TRMT11: variants seen among roughly 807,000 people sequenced by gnomAD.
TRMT11 encodes tRNA methyltransferase 11.
Under a neutral mutation model 62.8 loss-of-function variants are expected in TRMT11, and 53 were observed. The observed-to-expected ratio is 0.84, with a 90% CI of 0.68 to 1.06. The LOEUF (loss-of-function observed/expected upper bound fraction) is 1.06, where lower values mean the gene tolerates loss of function less well. TRMT11 is among the 50% of genes least tolerant of loss of function. The pLI is 0.00. For missense variants in TRMT11, 556 were observed against 553.4 expected (o/e 1.00, Z -0.05); for synonymous variants, 188 against 190.3 (o/e 0.99, Z 0.10).
At chr6:125,992,798 C>T (rs1790836617) in intron 1 of TRMT11, among the ~76,000 whole-genome samples, 2 of 152,222 alleles carry the variant, frequency 1.3e-5, no homozygotes, top group Non-Finnish European at 2.9e-5. Context: ...GCTGCCTTCA[C>T]TGATTTATCA....
At chr6:126,029,965 C>T (rs1317368427) in intron 12 of TRMT11, among the ~76,000 whole-genome samples, 1 of 151,888 alleles carries the variant, frequency 6.6e-6, no homozygotes, top group East Asian at 1.9e-4. Context: ...TTTGAGCACT[C>T]TAGATATGAA....
chr6:126,002,192 T>C (rs1180247306), intron 7 of TRMT11, among the ~76,000 whole-genome samples: 1 of 152,200 alleles, frequency 6.6e-6, no homozygotes, highest in Non-Finnish European at 1.5e-5. Flanking sequence ...TATATGCATA[T>C]ATACACAATA....
At chr6:126,172,612 T>C (rs190382850), upstream of TRMT11, among the ~76,000 whole-genome samples, 21 of 152,336 alleles carry the variant, frequency 1.4e-4, 1 homozygote, top group Non-Finnish European at 1.5e-5. Flanking sequence ...TTCTGTCTTA[T>C]TGAAACACTT....
At chr6:126,031,951 G>A (rs1172221266) in intron 12 of TRMT11, among the ~76,000 whole-genome samples, 1 of 152,136 alleles carries the variant, frequency 6.6e-6, no homozygotes, top group Non-Finnish European at 1.5e-5. Context: ...AATAGAGATT[G>A]TAGGGGACTT....
the TRMT11 span, among the ~76,000 whole-genome samples, chr6:126,237,095 G>A: frequency 6.6e-6 from 1 of 150,924 alleles, no homozygotes; most frequent in Admixed American, 6.6e-5. Context: ...GAGAGAGAGA[G>A]ACTGATTATT....
chr6:126,080,715 G>A (rs995059811), intron 17 of TRMT11, among the ~76,000 whole-genome samples: 3 of 152,054 alleles, frequency 2.0e-5, no homozygotes, highest in African/African-American at 4.8e-5. Flanking sequence ...AACTACTCAC[G>A]GTAGCCCACT....
intron 17 of TRMT11, among the ~76,000 whole-genome samples, chr6:126,063,438 A>G (rs541510580): frequency 6.6e-6 from 1 of 152,358 alleles, no homozygotes; most frequent in South Asian, 2.1e-4. Context: ...ATTCAATGGA[A>G]CTTAAATTAA....
chr6:125,986,567 C>T lies in TRMT11; in HGVS notation c.17C>T (p.Thr6Ile). The T allele has an allele frequency of 6.3e-7, 1 of 1,591,946 alleles. No homozygotes were observed. The highest frequency in any genetic ancestry group is 8.5e-7 in the Non-Finnish European group (1 of 1,171,456). Residue 6 changes from threonine (T) to isoleucine (I), a missense_variant, in exon 1 of 13, where the codon ACC becomes ATC. By Grantham distance (89) the Thr-to-Ile change is moderately conservative. Coordinates refer to ENST00000334379, the MANE Select transcript of TRMT11 (RefSeq NM_001031712.3). MALSC[T>I]LNRYLLLMAQ... ...GCAGCTGCAATGGCGCTGTCGTGTA[C>T]CCTTAACAGGTATCTGCTCCTCATG... is the stretch of plus-strand genomic sequence containing the variant.
At chr6:126,246,757 T>C in the TRMT11 span, among the ~76,000 whole-genome samples, 8 of 152,094 alleles carry the variant, frequency 5.3e-5, no homozygotes, top group Non-Finnish European at 1.0e-4. Context: ...GGTGACAGAT[T>C]GAAAATACAT....
Position 125,998,693 on chromosome 6 carries a change from G to C in TRMT11, c.522+9G>C. 6.2e-7 allele frequency: 1 copy of C among 1,608,808 alleles called. No individual in the cohort carries two copies. The highest frequency in any genetic ancestry group is 8.5e-7 in the Non-Finnish European group (1 of 1,178,460). The stretch of plus-strand genomic sequence containing the variant: ...TTTATTTTGGTAGATGGGTGAGCAA[G>C]TTTTCTTTCTACCTATGTCAGTTTG... On this transcript the variant is annotated intron_variant, in intron 6 of 12. Transcript: ENST00000334379.
the TRMT11 span, among the ~76,000 whole-genome samples, chr6:126,229,049 C>A: frequency 1.3e-5 from 2 of 152,108 alleles, no homozygotes; most frequent in African/African-American, 4.8e-5. Context: ...AAATTAGATA[C>A]TCATGTTTTA....
At chr6:126,144,777 C>G (rs1777956043) in intron 21 of TRMT11, among the ~76,000 whole-genome samples, 1 of 152,122 alleles carries the variant, frequency 6.6e-6, no homozygotes, top group African/African-American at 2.4e-5. Context: ...TTTGATGAAT[C>G]AAGCTATGCA....
At chr6:126,173,523 A>G (rs1348274043), upstream of TRMT11, among the ~76,000 whole-genome samples, 1 of 152,194 alleles carries the variant, frequency 6.6e-6, no homozygotes, top group African/African-American at 2.4e-5. Context: ...AAAAGACTGC[A>G]AGGCAGTCGG....
the TRMT11 span, among the ~76,000 whole-genome samples, chr6:126,209,470 C>T: frequency 6.6e-6 from 1 of 151,980 alleles, no homozygotes; most frequent in East Asian, 1.9e-4. Flanking sequence ...CCTGTAATCC[C>T]AGCATTTTGG....
intron 21 of TRMT11, among the ~76,000 whole-genome samples, chr6:126,169,695 C>T (rs1243201414): frequency 6.6e-6 from 1 of 152,144 alleles, no homozygotes; most frequent in Non-Finnish European, 1.5e-5. Context: ...TGGACTTAAA[C>T]CTGTTTTCTT....
intron 17 of TRMT11, among the ~76,000 whole-genome samples, chr6:126,093,631 A>ATATATATATATTTTTTTTTTTTTTTT (rs1554236842): frequency 1.0e-5 from 1 of 98,016 alleles, no homozygotes; most frequent in African/African-American, 4.4e-5. Context: ...ATATATATAT[A>ATATATATATATTTTTTTTTTTTTTTT]TTTTCCCCCA....
chr6:126,023,693 A>G (rs1583764842), intron 12 of TRMT11, among the ~76,000 whole-genome samples: 1 of 152,110 alleles, frequency 6.6e-6, no homozygotes, highest in Admixed American at 6.5e-5. Flanking sequence ...GCCTGATGCA[A>G]TAATATGTTG....
At chr6:126,203,876 G>A (rs1778764406), downstream of TRMT11, among the ~76,000 whole-genome samples, 1 of 151,738 alleles carries the variant, frequency 6.6e-6, no homozygotes, top group African/African-American at 2.4e-5. Flanking sequence ...TTACAAAGCT[G>A]TCCAACACAA....
the TRMT11 span, among the ~76,000 whole-genome samples, chr6:126,214,081 C>T: frequency 9.3e-3 from 1,412 of 151,878 alleles, 8 homozygotes; most frequent in Non-Finnish European, 0.014. Context: ...TGCATCTCTG[C>T]GATAAATCCC....
Sources: gnomAD v4.1 joint callset for allele counts (sites outside exome capture counted in the v4.1 genomes callset) on GRCh38, gnomAD v4.1.1 for gene constraint, MANE v1.5 for transcripts, NCBI Gene and HGNC (gene_info 2026-07-23, HGNC 2026-07-21) for gene names.